FAM13C: variants seen among roughly 807,000 people sequenced by gnomAD.
FAM13C encodes protein FAM13C.
FAM13C carries 37 observed loss-of-function variants against 73.2 expected under a neutral mutation model. That is an observed-to-expected ratio of 0.51 (90% CI 0.39 to 0.67). FAM13C has a LOEUF of 0.67. FAM13C is among the 30% of genes least tolerant of loss of function. FAM13C has a pLI of 0.00. For missense variants in FAM13C, 589 were observed against 715.6 expected (o/e 0.82, Z 2.02); for synonymous variants, 246 against 260.9 (o/e 0.94, Z 0.55).
Position 59,251,073 on chromosome 10 carries a change from A to G in FAM13C, c.1634+502T>C, listed in dbSNP as rs138760657. 2.4e-3 allele frequency: 386 copies of G among 158,018 alleles called. 3 individuals carry two copies. Among genetic ancestry groups the G allele is most frequent in the African/African-American group, 8.3e-3 (348 of 41,770 alleles). The allele number at this position is 158,018 out of a possible 1,614,324, so 9.8% of individuals were successfully genotyped here. A position where few individuals can be genotyped will look rare whatever the true frequency, so the allele number is the denominator to read the frequency against. On this transcript the variant is annotated intron_variant, in intron 13 of 13. Transcript: ENST00000618804. The stretch of plus-strand genomic sequence containing the variant: ...TAGAGGACAGATGATACAGCTAACC[A>G]TTTATTTAAGAAGTAGAAAGAATGA...
chr10:59,323,254 A>T (rs1850581190), intron 4 of FAM13C: 1 of 152,330 alleles, frequency 6.6e-6, no homozygotes, highest in Non-Finnish European at 1.5e-5. Flanking sequence ...GTTTATTTCC[A>T]GAAGAGACTT....
At chr10:59,358,166 T>C (rs1855944039) in intron 1 of FAM13C, among the ~76,000 whole-genome samples, 1 of 152,126 alleles carries the variant, frequency 6.6e-6, no homozygotes, top group Admixed American at 6.5e-5. Context: ...TGGGCCTGAG[T>C]TGGAAGTTCA....
chr10:59,307,503 A>G (rs1005191395), intron 4 of FAM13C, among the ~76,000 whole-genome samples: 6 of 152,318 alleles, frequency 3.9e-5, no homozygotes, highest in African/African-American at 1.4e-4. Flanking sequence ...GACTAGCATT[A>G]TTATATCTAT....
chr10:59,315,453 T>G (rs4495850), intron 4 of FAM13C, among the ~76,000 whole-genome samples: 96,223 of 151,826 alleles, frequency 0.63, 30,789 homozygotes, highest in East Asian at 0.85. Context: ...GGGGTTTTTT[T>G]TGTTTTTGTG....
chr10:59,350,198 A>G (rs1472109322), intron 3 of FAM13C, among the ~76,000 whole-genome samples: 3 of 152,230 alleles, frequency 2.0e-5, no homozygotes, highest in Admixed American at 6.5e-5. Flanking sequence ...CCTGCAGTCC[A>G]GGATTCCAAT....
At chr10:59,359,228 C>T (rs1856093617) in intron 1 of FAM13C, among the ~76,000 whole-genome samples, 1 of 152,196 alleles carries the variant, frequency 6.6e-6, no homozygotes, top group Admixed American at 6.5e-5. Flanking sequence ...AAGTCAAGAT[C>T]CCAAGGCCTC....
At chr10:59,322,636 C>T (rs142998580) in intron 4 of FAM13C, among the ~76,000 whole-genome samples, 1 of 152,352 alleles carries the variant, frequency 6.6e-6, no homozygotes, top group East Asian at 1.9e-4. Flanking sequence ...GACCACCATA[C>T]ATTCCATACA....
At chr10:59,325,327 C>T (rs1228024545) in intron 3 of FAM13C, among the ~76,000 whole-genome samples, 1 of 152,142 alleles carries the variant, frequency 6.6e-6, no homozygotes, top group East Asian at 1.9e-4. Context: ...GTCATCATCA[C>T]AAGCCTCTAC....
chr10:59,282,370 C>A (rs1460488504), intron 6 of FAM13C, among the ~76,000 whole-genome samples: 1 of 152,094 alleles, frequency 6.6e-6, no homozygotes, highest in Non-Finnish European at 1.5e-5. Context: ...CCTGCTTAGA[C>A]TATGTGGGTC....
chr10:59,302,222 T>A (rs1847690500), intron 5 of FAM13C, among the ~76,000 whole-genome samples: 1 of 152,220 alleles, frequency 6.6e-6, no homozygotes, highest in African/African-American at 2.4e-5. Flanking sequence ...ATAATTATAT[T>A]ACATTAATTT....
At chr10:59,339,086 C>A (rs1351185127) in intron 3 of FAM13C, among the ~76,000 whole-genome samples, 1 of 152,066 alleles carries the variant, frequency 6.6e-6, no homozygotes, top group East Asian at 1.9e-4. Context: ...ATCACTCCAG[C>A]CTCCGCCCCC....
intron 4 of FAM13C, among the ~76,000 whole-genome samples, chr10:59,317,142 G>T (rs574320497): frequency 6.6e-6 from 1 of 151,958 alleles, no homozygotes; most frequent in South Asian, 2.1e-4. Context: ...GTGTGTGTGT[G>T]TGTGTGTGTG....
intron 3 of FAM13C, among the ~76,000 whole-genome samples, chr10:59,324,318 C>A (rs546224895): frequency 7.8e-4 from 118 of 152,018 alleles, no homozygotes; most frequent in African/African-American, 2.7e-3. Context: ...AGACAAAAAT[C>A]ATAATAATAA....
chr10:59,268,206 GA>G (rs1009750393), intron 8 of FAM13C, among the ~76,000 whole-genome samples: 14 of 125,350 alleles, frequency 1.1e-4, no homozygotes, highest in African/African-American at 4.0e-4. Context: ...GAGAAAAAGT[GA>G]AAAAAAAAGA....
Position 59,324,108 on chromosome 10 carries a change from T to C in FAM13C, c.325-2A>G. On this transcript the variant is annotated splice_acceptor_variant, in intron 3 of 13. Coordinates refer to ENST00000618804, the MANE Select transcript of FAM13C (RefSeq NM_198215.4). LOFTEE classifies it high-confidence loss of function. ...GCTGGATACCACATGCTCTGTCTCC[T>C]GCAAGAAGAAAGAGCAAAAGTAGAT... 6.2e-7 allele frequency: 1 copy of C among 1,610,060 alleles called. No individual in the cohort carries two copies. Among genetic ancestry groups the C allele is most frequent in the Non-Finnish European group, 8.5e-7 (1 of 1,177,260 alleles).
At chr10:59,309,099 T>C (rs1589551960) in intron 4 of FAM13C, among the ~76,000 whole-genome samples, 1 of 152,210 alleles carries the variant, frequency 6.6e-6, no homozygotes, top group African/African-American at 2.4e-5. Flanking sequence ...TTCCCCATCT[T>C]GCCAATGGCT....
At chr10:59,262,293 T>A in intron 10 of FAM13C, 141 bp downstream of exon 10, 1 of 689,946 alleles carries the variant, frequency 1.4e-6, no homozygotes, top group African/African-American at 1.8e-5. Context: ...GCCAGTAACC[T>A]GTCAGGAACT....
chr10:59,353,302 AAATCT>A (rs1283592469), intron 2 of FAM13C, among the ~76,000 whole-genome samples: 1 of 152,228 alleles, frequency 6.6e-6, no homozygotes, highest in Non-Finnish European at 1.5e-5. Context: ...CTTCCCACTT[AAATCT>A]AGATGCATTT....
At chr10:59,344,950 A>G (rs560413740) in intron 3 of FAM13C, among the ~76,000 whole-genome samples, 9 of 152,258 alleles carry the variant, frequency 5.9e-5, no homozygotes, top group African/African-American at 2.2e-4. Context: ...TCTTCTCTCT[A>G]TGTGTCGGTA....
Sources: allele counts gnomAD v4.1 joint callset (sites outside exome capture counted in the v4.1 genomes callset), GRCh38; gene constraint gnomAD v4.1.1; transcripts MANE v1.5; gene names NCBI Gene and HGNC (gene_info 2026-07-23, HGNC 2026-07-21).